The following MAF variants were observed in gnomAD, a reference collection of about 807,000 sequenced individuals.
The protein encoded by MAF is MAF bZIP transcription factor.
MAF carries 10 observed loss-of-function variants against 22.0 expected under a neutral mutation model. The ratio of observed to expected loss-of-function variants is 0.45; its 90% CI spans 0.28 to 0.77. The LOEUF (loss-of-function observed/expected upper bound fraction) is 0.77. Ranked by LOEUF, MAF falls within the 30% of genes least tolerant of loss-of-function variation. MAF has a pLI of 0.12. For missense variants in MAF, 544 were observed against 548.4 expected (o/e 0.99, Z 0.08); for synonymous variants, 337 against 255.8 (o/e 1.32, Z -3.03).
the MAF span, among the ~76,000 whole-genome samples, chr16:79,255,355 A>C: frequency 2.0e-5 from 3 of 152,208 alleles, no homozygotes; most frequent in African/African-American, 7.2e-5. Flanking sequence ...ATCAGAAGTG[A>C]CTAAGAAGAG....
At chr16:79,586,331 C>G (rs1428802801) in intron 1 of MAF, among the ~76,000 whole-genome samples, 1 of 152,202 alleles carries the variant, frequency 6.6e-6, no homozygotes, top group Non-Finnish European at 1.5e-5. Context: ...CTCAAGGACT[C>G]TCAGGCTGTC....
At chr16:79,286,818 C>T in the MAF span, among the ~76,000 whole-genome samples, 1 of 152,216 alleles carries the variant, frequency 6.6e-6, no homozygotes, top group African/African-American at 2.4e-5. Context: ...TTGTGTGCCT[C>T]TGCACAAACA....
At chr16:79,380,831 C>G in the MAF span, among the ~76,000 whole-genome samples, 6 of 152,242 alleles carry the variant, frequency 3.9e-5, no homozygotes, top group African/African-American at 1.4e-4. Context: ...TGGTATTACT[C>G]TGAATCTTTC....
chr16:79,209,358 G>C, the MAF span, among the ~76,000 whole-genome samples: 54 of 152,298 alleles, frequency 3.5e-4, no homozygotes, highest in East Asian at 7.5e-3. Context: ...ATTACAGTAG[G>C]TCATAGTGGC....
chr16:79,553,858 G>A, the MAF span, among the ~76,000 whole-genome samples: 1 of 152,160 alleles, frequency 6.6e-6, no homozygotes. Flanking sequence ...GGAGGCCGAG[G>A]CGGGTGGATC....
At chr16:79,507,839 G>C in the MAF span, among the ~76,000 whole-genome samples, 1 of 152,188 alleles carries the variant, frequency 6.6e-6, no homozygotes, top group Non-Finnish European at 1.5e-5. Flanking sequence ...GTACTCATAA[G>C]CATTTTCTTC....
chr16:79,449,616 G>A, the MAF span, among the ~76,000 whole-genome samples: 4 of 152,198 alleles, frequency 2.6e-5, no homozygotes, highest in African/African-American at 9.7e-5. Flanking sequence ...GCCTACAGCA[G>A]GACAGAGGCA....
the MAF span, among the ~76,000 whole-genome samples, chr16:79,484,722 C>G: frequency 6.6e-6 from 1 of 152,212 alleles, no homozygotes; most frequent in Non-Finnish European, 1.5e-5. Flanking sequence ...CACTGGCCTG[C>G]TGGTGATGAT....
the MAF span, among the ~76,000 whole-genome samples, chr16:79,484,906 G>T: frequency 6.6e-6 from 1 of 152,198 alleles, no homozygotes; most frequent in Admixed American, 6.5e-5. Flanking sequence ...TGGTACAGCT[G>T]AACAGGATTT....
the MAF span, among the ~76,000 whole-genome samples, chr16:79,471,002 T>C: frequency 6.6e-6 from 1 of 152,246 alleles, no homozygotes; most frequent in Non-Finnish European, 1.5e-5. Flanking sequence ...ATCATCGTCA[T>C]GTTCATATCA....
At chr16:79,482,870 C>G in the MAF span, among the ~76,000 whole-genome samples, 1 of 122,806 alleles carries the variant, frequency 8.1e-6, no homozygotes, top group Admixed American at 8.1e-5. Context: ...CTCCCTCCCT[C>G]TCCTCCTCTC....
At chr16:79,334,869 G>A in the MAF span, among the ~76,000 whole-genome samples, 1 of 151,642 alleles carries the variant, frequency 6.6e-6, no homozygotes, top group South Asian at 2.1e-4. Flanking sequence ...GTGTATGTGT[G>A]TGTGTGTGTG....
the MAF span, among the ~76,000 whole-genome samples, chr16:79,572,324 G>T: frequency 2.0e-5 from 3 of 152,114 alleles, no homozygotes; most frequent in Admixed American, 1.3e-4. Context: ...TGGCAGGCAC[G>T]TGACCAAATC....
At chr16:79,440,814 A>G in the MAF span, among the ~76,000 whole-genome samples, 3 of 152,210 alleles carry the variant, frequency 2.0e-5, no homozygotes, top group Admixed American at 6.5e-5. Context: ...TAACAACTCC[A>G]TGCTACTCTC....
At chr16:79,514,260 C>G in the MAF span, among the ~76,000 whole-genome samples, 1 of 152,222 alleles carries the variant, frequency 6.6e-6, no homozygotes, top group African/African-American at 2.4e-5. Flanking sequence ...CGCAGCTTGT[C>G]AGACTTCCCA....
At chr16:79,226,486 C>G in the MAF span, among the ~76,000 whole-genome samples, 3 of 151,924 alleles carry the variant, frequency 2.0e-5, no homozygotes, top group Admixed American at 2.0e-4. Context: ...ATGTAAAAAC[C>G]TGCATGTTCT....
the MAF span, among the ~76,000 whole-genome samples, chr16:79,554,125 A>AC: frequency 0.1 from 6,861 of 66,698 alleles, 227 homozygotes; most frequent in Non-Finnish European, 0.18. Flanking sequence ...AAACAAACAA[A>AC]CAAAACCACC....
the MAF span, among the ~76,000 whole-genome samples, chr16:79,493,114 T>C: frequency 6.8e-6 from 1 of 147,914 alleles, no homozygotes; most frequent in African/African-American, 2.5e-5. Context: ...TGCACTACCA[T>C]GCTCAGCTAA....
At chr16:79,335,924 C>A in the MAF span, among the ~76,000 whole-genome samples, 15 of 152,302 alleles carry the variant, frequency 9.8e-5, no homozygotes, top group Middle Eastern at 3.4e-3. Flanking sequence ...GACTCCTGCA[C>A]TGAGCATGTT....
Sources: allele counts gnomAD v4.1 joint callset (sites outside exome capture counted in the v4.1 genomes callset), GRCh38; gene constraint gnomAD v4.1.1; transcripts MANE v1.5; gene names NCBI Gene and HGNC (gene_info 2026-07-23, HGNC 2026-07-21).